TENM3: variants seen among roughly 807,000 people sequenced by gnomAD.
TENM3 encodes teneurin transmembrane protein 3, also known as teneurin-3.
TENM3 carries 63 observed loss-of-function variants against 255.1 expected under a neutral mutation model. The ratio of observed to expected loss-of-function variants is 0.25; its 90% CI spans 0.20 to 0.30. The LOEUF (loss-of-function observed/expected upper bound fraction) is 0.30, where lower values mean the gene tolerates loss of function less well. Among genes scored for constraint, TENM3 ranks in the 10% least tolerant of loss-of-function variants. TENM3 has a pLI of 1.00. For synonymous variants in TENM3, 1,306 were observed against 1,322.3 expected, an observed-to-expected ratio of 0.99 and a Z score of 0.27; for missense variants, 2,929 against 3,461.1, an observed-to-expected ratio of 0.85 and a Z score of 3.86.
chr4:182,624,744 C>G (rs1296389907), intron 4 of TENM3, among the ~76,000 whole-genome samples: 1 of 152,110 alleles, frequency 6.6e-6, no homozygotes, highest in African/African-American at 2.4e-5. Flanking sequence ...TATTTCATTT[C>G]TCCTGGAGGC....
At chr4:181,542,788 C>G in the TENM3 span, among the ~76,000 whole-genome samples, 1 of 152,196 alleles carries the variant, frequency 6.6e-6, no homozygotes, top group Non-Finnish European at 1.5e-5. Context: ...AGTATATTCT[C>G]TTTTCATAGT....
rs185048407 is a variant in TENM3, at chr4:182,283,894, G to A, written c.-75-40052G>A. Among the ~76,000 whole-genome samples the A allele has an allele frequency of 5.3e-4, 81 of 152,202 alleles. 2 individuals are homozygous for A. In the East Asian group the frequency reaches 0.015, roughly 29 times the overall value. On this transcript the variant is annotated intron_variant, in intron 1 of 27. Coordinates refer to ENST00000511685, the MANE Select transcript of TENM3 (RefSeq NM_001080477.4). The stretch of plus-strand genomic sequence containing the variant: ...CATACTGAGGAGTTATTTTTAAGCG[G>A]TTTAAGAAATATTAACCCAGAGACG...
At chr4:182,070,460 A>C in the TENM3 span, among the ~76,000 whole-genome samples, 2 of 152,178 alleles carry the variant, frequency 1.3e-5, no homozygotes, top group Admixed American at 6.5e-5. Flanking sequence ...TTTACTAAAA[A>C]TACAAAATTA....
the TENM3 span, among the ~76,000 whole-genome samples, chr4:181,519,233 TAAAAG>T: frequency 6.6e-6 from 1 of 151,970 alleles, no homozygotes; most frequent in Admixed American, 6.6e-5. Context: ...GGCAAAAAAA[TAAAAG>T]AAAAACAGAG....
intron 3 of TENM3, among the ~76,000 whole-genome samples, chr4:182,452,489 G>C (rs2151328023): frequency 6.6e-6 from 1 of 152,296 alleles, no homozygotes; most frequent in South Asian, 2.1e-4. Context: ...TCCTGGCAGA[G>C]AGAAAGGAAT....
chr4:182,568,393 A>G (rs1481975283), intron 3 of TENM3, among the ~76,000 whole-genome samples: 1 of 152,240 alleles, frequency 6.6e-6, no homozygotes, highest in Admixed American at 6.5e-5. Flanking sequence ...CAGAATGAGA[A>G]GGGGCAAGGC....
chr4:182,163,751 G>C (rs1751512966), intron 1 of TENM3, among the ~76,000 whole-genome samples: 1 of 152,142 alleles, frequency 6.6e-6, no homozygotes, highest in African/African-American at 2.4e-5. Flanking sequence ...CCTTGAGTTT[G>C]ATCTCAGCAT....
At chr4:182,099,097 G>C in the TENM3 span, among the ~76,000 whole-genome samples, 1 of 151,336 alleles carries the variant, frequency 6.6e-6, no homozygotes, top group African/African-American at 2.4e-5. Context: ...GAGTAGCTAG[G>C]ACTACAGGTG....
At chr4:182,534,381 G>A (rs1286474317) in intron 3 of TENM3, among the ~76,000 whole-genome samples, 2 of 152,154 alleles carry the variant, frequency 1.3e-5, no homozygotes. Flanking sequence ...ACGGGCAGAG[G>A]GCTAGTGCTA....
intron 11 of TENM3, among the ~76,000 whole-genome samples, chr4:182,682,576 A>C (rs1756258092): frequency 6.6e-6 from 1 of 152,218 alleles, no homozygotes; most frequent in Non-Finnish European, 1.5e-5. Flanking sequence ...GCATTGTGAT[A>C]GGCCCTGTAA....
At chr4:181,725,466 T>C in the TENM3 span, among the ~76,000 whole-genome samples, 1 of 150,938 alleles carries the variant, frequency 6.6e-6, no homozygotes, top group Non-Finnish European at 1.5e-5. Flanking sequence ...TGTTTGTTTG[T>C]TTTTTTTAGA....
intron 6 of TENM3, 51 bp from the exon 7 acceptor site, chr4:182,672,954 T>C (rs772375347): frequency 6.0e-6 from 8 of 1,339,134 alleles, no homozygotes; most frequent in African/African-American, 1.5e-5. Context: ...CTTTTTTGTT[T>C]TGTTTTTTTA....
At chr4:182,360,994 T>TTCAACCCA (rs1399204567) in intron 3 of TENM3, among the ~76,000 whole-genome samples, 48 of 152,344 alleles carry the variant, frequency 3.2e-4, no homozygotes, top group Middle Eastern at 3.4e-3. Flanking sequence ...TTAGTTTGGC[T>TTCAACCCA]GGATATGAAA....
chr4:181,805,413 T>C, the TENM3 span, among the ~76,000 whole-genome samples: 1 of 152,056 alleles, frequency 6.6e-6, no homozygotes, highest in African/African-American at 2.4e-5. Context: ...TCCCAGTCTC[T>C]CTAGCCTTCT....
chr4:182,647,866 A>G (rs992256462), intron 5 of TENM3, among the ~76,000 whole-genome samples: 2 of 152,178 alleles, frequency 1.3e-5, no homozygotes, highest in Admixed American at 1.3e-4. Flanking sequence ...AAGGGTTTCC[A>G]TTTCTTTACA....
chr4:182,457,260 T>A (rs1773951501), intron 3 of TENM3, among the ~76,000 whole-genome samples: 2 of 150,470 alleles, frequency 1.3e-5, no homozygotes, highest in Non-Finnish European at 3.0e-5. Flanking sequence ...AGAAAATGAA[T>A]AGAATTAGAG....
the TENM3 span, among the ~76,000 whole-genome samples, chr4:181,726,806 A>G: frequency 2.3e-3 from 345 of 152,344 alleles, 3 homozygotes; most frequent in Non-Finnish European, 3.7e-3. Context: ...ATTTCTGATG[A>G]CAACAGCAAG....
At chr4:182,180,499 G>C (rs1056206301) in intron 1 of TENM3, among the ~76,000 whole-genome samples, 5 of 152,104 alleles carry the variant, frequency 3.3e-5, no homozygotes, top group African/African-American at 7.2e-5. Context: ...AGTAAAGAGA[G>C]TAGTATTTTT....
the TENM3 span, among the ~76,000 whole-genome samples, chr4:181,746,431 G>A: frequency 2.6e-5 from 4 of 152,094 alleles, no homozygotes; most frequent in Non-Finnish European, 5.9e-5. Context: ...GAATGCAGGC[G>A]AATGGCCTGG....
Sources: allele counts gnomAD v4.1 joint callset (sites outside exome capture counted in the v4.1 genomes callset), GRCh38; gene constraint gnomAD v4.1.1; transcripts MANE v1.5; gene names NCBI Gene and HGNC (gene_info 2026-07-23, HGNC 2026-07-21).